MBNL3: variants seen among roughly 807,000 people sequenced by gnomAD.
MBNL3 encodes muscleblind like splicing regulator 3.
A neutral mutation model predicts 24.5 loss-of-function variants in MBNL3; 6 were observed. That is an observed-to-expected ratio of 0.25 (90% CI 0.13 to 0.48). The LOEUF is 0.48. MBNL3 is among the 20% of genes least tolerant of loss of function. MBNL3 has a pLI of 0.99. For synonymous variants in MBNL3, 100 were observed against 101.7 expected (o/e 0.98, Z 0.10); for missense variants, 230 against 293.5 (o/e 0.78, Z 1.58).
rs921534854 is a variant in MBNL3 at position 132,472,953 on chromosome X, G to A, written c.-704+15898C>T. On this transcript the variant is annotated intron_variant, in intron 1 of 8. Transcript: ENST00000370853. ...AAAGAGGGACTAAGATTCCTATGAGGTGTAGCTAATTGGTAACACAGAACA... is the reference window on the plus strand; with the variant it reads ...AAAGAGGGACTAAGATTCCTATGAGATGTAGCTAATTGGTAACACAGAACA... Among the ~76,000 whole-genome samples, 14 of 111,575 alleles carry A rather than the reference G, an allele frequency of 1.3e-4. No homozygotes were observed. In the Admixed American group the frequency reaches 1.3e-3, roughly 11 times the overall value.
rs1461078532 is a variant in MBNL3 at position 132,396,894 on chromosome X, ATATT to A, written c.343-4564_343-4561del. On this transcript the variant is annotated intron_variant, in intron 3 of 8. Transcript: ENST00000370853. ...CATATATACATATATATTCATATAT[ATATT>A]CATATATACATATATACATATATAT... Among the ~76,000 whole-genome samples the A allele has an allele frequency of 3.9e-3, 255 of 65,524 alleles. 7 individuals are homozygous for A. The highest frequency in any genetic ancestry group is 0.015 in the African/African-American group (227 of 15,499). 56.9% of individuals were successfully genotyped at this position (65,524 alleles called of 115,157 possible). A position where few individuals can be genotyped will look rare whatever the true frequency, so the allele number is the denominator to read the frequency against.
intron 5 of MBNL3, among the ~76,000 whole-genome samples, chrX:132,388,733 GTCTC>G (rs987958685): frequency 9.0e-6 from 1 of 110,687 alleles, no homozygotes; most frequent in Non-Finnish European, 1.9e-5. Flanking sequence ...AACCCTTTAT[GTCTC>G]TCTCTTTTTT....
intron 1 of MBNL3, among the ~76,000 whole-genome samples, chrX:132,464,916 G>A (rs1412194562): frequency 9.0e-6 from 1 of 111,059 alleles, no homozygotes; most frequent in Non-Finnish European, 1.9e-5. Context: ...GTGGTGGCAT[G>A]CATGTGTTAT....
intron 2 of MBNL3, among the ~76,000 whole-genome samples, chrX:132,415,871 T>C (rs183930135): frequency 4.4e-4 from 49 of 111,791 alleles, no homozygotes; most frequent in African/African-American, 1.4e-3. Context: ...AAAATATACA[T>C]TTCATCACCA....
At chrX:132,456,481 T>C (rs1946376885) in intron 1 of MBNL3, among the ~76,000 whole-genome samples, 1 of 112,183 alleles carries the variant, frequency 8.9e-6, no homozygotes, top group South Asian at 3.7e-4. Flanking sequence ...ATATTAATAA[T>C]AGTTAACATG....
intron 2 of MBNL3, chrX:132,411,107 CA>C: frequency 2.7e-6 from 2 of 748,369 alleles, no homozygotes; most frequent in Non-Finnish European, 3.2e-6. Context: ...ATAATGAAGG[CA>C]AAATTAATGA....
chrX:132,396,522 A>ATATATATTCC lies in MBNL3; in HGVS notation c.343-4189_343-4188insGGAATATATA, dbSNP rs1569424101. Among the ~76,000 whole-genome samples, 7 of 49,913 alleles carry ATATATATTCC rather than the reference A, an allele frequency of 1.4e-4. 1 individual carries two copies. Among genetic ancestry groups the ATATATATTCC allele is most frequent in the African/African-American group, 1.3e-3 (6 of 4,543 alleles). The allele number at this position is 49,913 out of a possible 115,157, so 43.3% of individuals were successfully genotyped here. A position where few individuals can be genotyped will look rare whatever the true frequency, so the allele number is the denominator to read the frequency against. ...TTCCTATATATATTCATATATATTC[A>ATATATATTCC]TATATATATTCATATATATATTCCT... On this transcript the variant is annotated intron_variant, in intron 3 of 8. Transcript: ENST00000370853.
intron 2 of MBNL3, among the ~76,000 whole-genome samples, chrX:132,428,396 A>T (rs778052879): frequency 1.1e-4 from 12 of 110,637 alleles, no homozygotes; most frequent in Admixed American, 1.9e-4. Flanking sequence ...AAAATGTGAG[A>T]TAAACTTGTA....
rs763936901 is a variant in MBNL3 at position 132,451,213 on chromosome X, C to T, written c.-703-10899G>A. Among the ~76,000 whole-genome samples, 28 of 112,706 alleles carry T rather than the reference C, an allele frequency of 2.5e-4. No homozygotes were observed. In the East Asian group the frequency reaches 6.7e-3, roughly 27 times the overall value. On this transcript the variant is annotated intron_variant, in intron 1 of 8. Transcript: ENST00000370853. Reference sequence around the variant, plus strand: ...TCAAGCACTGTGCTGGGAGATCTGCCGCTCTCTTCAGAGCCAGCAGGCAGG... The same window carrying T: ...TCAAGCACTGTGCTGGGAGATCTGCTGCTCTCTTCAGAGCCAGCAGGCAGG...
At chrX:132,408,872 A>G (rs1034239894) in intron 2 of MBNL3, among the ~76,000 whole-genome samples, 4 of 112,539 alleles carry the variant, frequency 3.6e-5, no homozygotes, top group African/African-American at 9.7e-5. Context: ...CTTGATTTAT[A>G]AAGCTTCTAT....
chrX:132,392,368 G>A, intron 3 of MBNL3, 34 bp from the exon 4 acceptor site: 1 of 1,062,251 alleles, frequency 9.4e-7, no homozygotes, highest in South Asian at 2.5e-5. Context: ...AGATGTTAGA[G>A]GTAAAGATTC....
intron 1 of MBNL3, among the ~76,000 whole-genome samples, chrX:132,464,594 G>A (rs939400520): frequency 4.5e-5 from 5 of 111,895 alleles, no homozygotes; most frequent in African/African-American, 1.3e-4. Context: ...ATTTCTTTAC[G>A]AGCTTATTCG....
chrX:132,383,067 T>C (rs1267213900), intron 7 of MBNL3, among the ~76,000 whole-genome samples: 5 of 112,298 alleles, frequency 4.5e-5, no homozygotes, highest in Non-Finnish European at 9.4e-5. Context: ...TTAGAAAGCG[T>C]TTTGGGTGCT....
At chrX:132,463,202 C>T (rs969981286) in intron 1 of MBNL3, among the ~76,000 whole-genome samples, 3 of 112,472 alleles carry the variant, frequency 2.7e-5, no homozygotes, top group African/African-American at 9.7e-5. Context: ...TGGCTCATGC[C>T]TGTAATCTCA....
chrX:132,430,529 C>A (rs1311246021), intron 2 of MBNL3: 1 of 111,779 alleles, frequency 8.9e-6, no homozygotes, highest in East Asian at 2.8e-4. Context: ...CTTTCATGAC[C>A]ATGACACTTT....
At chrX:132,392,060 AAC>A in intron 4 of MBNL3, 81 bp downstream of exon 4, 2 of 912,244 alleles carry the variant, frequency 2.2e-6, no homozygotes, top group Middle Eastern at 3.0e-4. Context: ...TATTTAAAAC[AAC>A]ACACTGGGCT....
intron 2 of MBNL3, among the ~76,000 whole-genome samples, chrX:132,424,886 A>C (rs1372244294): frequency 9.1e-6 from 1 of 110,150 alleles, no homozygotes; most frequent in Non-Finnish European, 1.9e-5. Flanking sequence ...GGGGAGAAAT[A>C]AGTGAAACAT....
chrX:132,421,950 C>T (rs1436116178), intron 2 of MBNL3, among the ~76,000 whole-genome samples: 2 of 110,578 alleles, frequency 1.8e-5, no homozygotes, highest in Non-Finnish European at 3.8e-5. Context: ...AAAATTGTAG[C>T]GAAGTGATTT....
At chrX:132,483,612 C>T (rs1331309029) in intron 1 of MBNL3, among the ~76,000 whole-genome samples, 1 of 111,974 alleles carries the variant, frequency 8.9e-6, no homozygotes, top group Non-Finnish European at 1.9e-5. Context: ...TAATAGACTA[C>T]CCCTCCCATG....
Sources: allele counts gnomAD v4.1 joint callset (sites outside exome capture counted in the v4.1 genomes callset), GRCh38; gene constraint gnomAD v4.1.1; transcripts MANE v1.5; gene names NCBI Gene and HGNC (gene_info 2026-07-23, HGNC 2026-07-21).